The following KIAA0930 variants were observed in gnomAD, a reference collection of about 807,000 sequenced individuals.
KIAA0930 encodes KIAA0930.
In KIAA0930, 24 loss-of-function variants were observed where a neutral mutation model predicts 43.9. The ratio of observed to expected loss-of-function variants is 0.55; its 90% CI spans 0.40 to 0.77. The LOEUF (loss-of-function observed/expected upper bound fraction) is 0.77. Ranked by LOEUF, KIAA0930 falls within the 30% of genes least tolerant of loss-of-function variation. The probability of loss-of-function intolerance (pLI) is 0.00; values close to 1 mark genes in which losing one functional copy is unlikely to be tolerated. For synonymous variants in KIAA0930, 259 were observed against 216.4 expected (o/e 1.20, Z -1.73); for missense variants, 461 against 574.2 (o/e 0.80, Z 2.02).
rs780499999 is a variant in KIAA0930, at chr22:45,203,040, G to T, written c.802C>A (p.Pro268Thr). Reference protein sequence around the residue: ...VSRVSTGDTSPCGTEEDSSPA... With the variant: ...VSRVSTGDTSTCGTEEDSSPA... ...CTGGAGTCCTCTTCAGTCCCACAGGGGGATGTGTCACCTGTAGACACTCGG... is the reference window on the plus strand; with the variant it reads ...CTGGAGTCCTCTTCAGTCCCACAGGTGGATGTGTCACCTGTAGACACTCGG... The change falls in exon 7 of 10, where the codon CCC (proline) becomes ACC (threonine). Residue 268 changes from proline to threonine, a missense_variant. Physicochemically the swap from Pro to Thr is conservative, Grantham distance 38. Transcript: ENST00000336156. The T allele has an allele frequency of 1.9e-6, 3 of 1,613,512 alleles. No homozygotes were observed. In the South Asian group the frequency reaches 3.3e-5, roughly 18 times the overall value.
intron 1 of KIAA0930, among the ~76,000 whole-genome samples, chr22:45,233,948 G>A (rs1320797099): frequency 3.9e-5 from 6 of 152,332 alleles, no homozygotes; most frequent in Admixed American, 2.6e-4. Flanking sequence ...ACAGAAGAGC[G>A]GGGCTGGGGC....
At chr22:45,219,582 G>GTTTTT (rs535482000) in intron 1 of KIAA0930, among the ~76,000 whole-genome samples, 6 of 61,216 alleles carry the variant, frequency 9.8e-5, no homozygotes, top group African/African-American at 1.7e-4. Context: ...AGAGGTGATT[G>GTTTTT]TTTTTTTTTT....
At chr22:45,216,015 G>A (rs1439118858) in intron 1 of KIAA0930, among the ~76,000 whole-genome samples, 6 of 133,754 alleles carry the variant, frequency 4.5e-5, no homozygotes, top group Middle Eastern at 3.8e-3. Context: ...GCGACAGAGC[G>A]AGACTCCGTC....
Position 45,222,661 on chromosome 22 carries a change from C to T in KIAA0930, c.65-10554G>A, listed in dbSNP as rs149386849. ...AAAAACCACCCCCGCCCCCCCACCA[C>T]CACACACATACACCATAAACAAAGC... On this transcript the variant is annotated intron_variant, in intron 1 of 9. Coordinates refer to ENST00000336156, the MANE Select transcript of KIAA0930 (RefSeq NM_001009880.2). Among the ~76,000 whole-genome samples the T allele has an allele frequency of 3.5e-3, 529 of 150,580 alleles. 1 individual carries two copies. Among genetic ancestry groups the T allele is most frequent in the South Asian group, 0.012 (56 of 4,782 alleles).
At chr22:45,219,596 T>G (rs1037966398) in intron 1 of KIAA0930, among the ~76,000 whole-genome samples, 27 of 144,758 alleles carry the variant, frequency 1.9e-4, no homozygotes, top group Admixed American at 2.8e-4. Context: ...TTTTTTTTTT[T>G]TTTTTTTTTT....
chr22:45,215,295 A>G (rs2083724735), intron 1 of KIAA0930, among the ~76,000 whole-genome samples: 1 of 152,216 alleles, frequency 6.6e-6, no homozygotes. Flanking sequence ...TTTTACATAA[A>G]CCATATGCCA....
chr22:45,217,213 T>C (rs1361201416), intron 1 of KIAA0930, among the ~76,000 whole-genome samples: 2 of 151,830 alleles, frequency 1.3e-5, no homozygotes, highest in East Asian at 1.9e-4. Flanking sequence ...ATACAAAAAT[T>C]AGCCGGGCAT....
chr22:45,228,664 A>G (rs1229324351), intron 1 of KIAA0930, among the ~76,000 whole-genome samples: 2 of 150,176 alleles, frequency 1.3e-5, no homozygotes, highest in South Asian at 2.1e-4. Flanking sequence ...CCAACAAATG[A>G]TCACCTCTTC....
intron 7 of KIAA0930, among the ~76,000 whole-genome samples, chr22:45,200,473 C>G (rs1256061961): frequency 2.0e-5 from 3 of 152,096 alleles, no homozygotes; most frequent in Non-Finnish European, 4.4e-5. Context: ...AGGCAGGGAC[C>G]GAGACCCTGG....
chr22:45,232,765 T>G lies in KIAA0930; in HGVS notation c.64+7875A>C, dbSNP rs558326010. On this transcript the variant is annotated intron_variant, in intron 1 of 9. Transcript: ENST00000336156. ...CCAGGAGAATGCCCATCCTGCAGAG[T>G]GGGCTGGGTGGGGACCGGCTCCAGG... Among the ~76,000 whole-genome samples the G allele has an allele frequency of 3.9e-5, 6 of 152,056 alleles. No homozygotes were observed. The East Asian group carries it at 1.2e-3, about 29-fold the overall frequency.
chr22:45,218,758 T>TAA (rs1441039277), intron 1 of KIAA0930, among the ~76,000 whole-genome samples: 1 of 152,064 alleles, frequency 6.6e-6, no homozygotes, highest in Non-Finnish European at 1.5e-5. Context: ...ATGCAGAAAC[T>TAA]AAGCGAACCC....
intron 1 of KIAA0930, among the ~76,000 whole-genome samples, chr22:45,216,861 C>G (rs773711844): frequency 5.3e-5 from 8 of 152,152 alleles, no homozygotes; most frequent in Non-Finnish European, 8.8e-5. Flanking sequence ...TCTGTGCTCA[C>G]GGCCCTGCCT....
At chr22:45,217,115 C>T (rs1484641010) in intron 1 of KIAA0930, among the ~76,000 whole-genome samples, 1 of 152,086 alleles carries the variant, frequency 6.6e-6, no homozygotes, top group African/African-American at 2.4e-5. Context: ...AATCCCAGCA[C>T]CTTGGAACGC....
chr22:45,210,597 C>G (rs2083683885), intron 2 of KIAA0930, among the ~76,000 whole-genome samples: 1 of 152,168 alleles, frequency 6.6e-6, no homozygotes, highest in Non-Finnish European at 1.5e-5. Context: ...CAGGGAAAAA[C>G]AAGACTGGCC....
At chr22:45,208,090 G>A (rs1057383666) in intron 2 of KIAA0930, among the ~76,000 whole-genome samples, 3 of 152,114 alleles carry the variant, frequency 2.0e-5, no homozygotes, top group Non-Finnish European at 2.9e-5. Flanking sequence ...GTCCGTGTGC[G>A]CACCAAAGCC....
In KIAA0930 at chr22:45,200,047, C is replaced by G; in HGVS notation, c.853-12G>C. The G allele has an allele frequency of 5.7e-6, 9 of 1,583,404 alleles. No individual in the cohort carries two copies. The highest frequency in any genetic ancestry group is 7.7e-6 in the Non-Finnish European group (9 of 1,165,170). ...CTGAAGGAGGTCACCTGGGAACAAG[C>G]AGCCAAAGTCACCAGAGTAGCAGAA... On this transcript the variant is annotated splice_polypyrimidine_tract_variant and intron_variant, in intron 7 of 9. Transcript: ENST00000336156.
intron 8 of KIAA0930, among the ~76,000 whole-genome samples, chr22:45,199,474 C>G (rs1243285055): frequency 1.3e-5 from 2 of 152,180 alleles, no homozygotes; most frequent in African/African-American, 4.8e-5. Flanking sequence ...GGCGAGCTGG[C>G]CCAAGGCAGC....
intron 1 of KIAA0930, among the ~76,000 whole-genome samples, chr22:45,219,043 G>A (rs1179040086): frequency 1.3e-5 from 2 of 152,122 alleles, no homozygotes; most frequent in Non-Finnish European, 2.9e-5. Context: ...ACACTGAAAA[G>A]GGAAACTTTT....
At chr22:45,214,139 T>C (rs945942043) in intron 1 of KIAA0930, among the ~76,000 whole-genome samples, 1 of 152,206 alleles carries the variant, frequency 6.6e-6, no homozygotes, top group African/African-American at 2.4e-5. Flanking sequence ...ATCGTGCCAC[T>C]GCACTCCAGC....
Sources: gnomAD v4.1 joint callset for allele counts (sites outside exome capture counted in the v4.1 genomes callset) on GRCh38, gnomAD v4.1.1 for gene constraint, MANE v1.5 for transcripts, NCBI Gene and HGNC (gene_info 2026-07-23, HGNC 2026-07-21) for gene names.